The following RALGAPA1 variants were observed in gnomAD, a reference collection of about 807,000 sequenced individuals.
The protein encoded by RALGAPA1 is Ral GTPase activating protein catalytic subunit alpha 1, also known as ral GTPase-activating protein subunit alpha-1.
Under a neutral mutation model 269.6 loss-of-function variants are expected in RALGAPA1, and 52 were observed. That is an observed-to-expected ratio of 0.19 (90% CI 0.15 to 0.24). The LOEUF is 0.24. Among genes scored for constraint, RALGAPA1 ranks in the 10% least tolerant of loss-of-function variants. RALGAPA1 has a pLI of 1.00. For missense variants in RALGAPA1, 1,917 were observed against 3,013.9 expected, an observed-to-expected ratio of 0.64 and a Z score of 8.52; for synonymous variants, 817 against 1,008.3, an observed-to-expected ratio of 0.81 and a Z score of 3.60.
chr14:35,800,379 A>G (rs145563011), intron 1 of RALGAPA1, among the ~76,000 whole-genome samples: 4 of 152,398 alleles, frequency 2.6e-5, no homozygotes, highest in Middle Eastern at 3.4e-3. Context: ...AATTCAGGTT[A>G]TAAAAAATAG....
intron 16 of RALGAPA1, among the ~76,000 whole-genome samples, chr14:35,716,692 T>C (rs2068860441): frequency 6.6e-6 from 1 of 152,208 alleles, no homozygotes. Flanking sequence ...CATTTGGTTA[T>C]TGTCTCTTGA....
At position 35,664,870 on chromosome 14, in the gene RALGAPA1, TAAAAC is replaced by T. The variant is rs1293687219; in HGVS notation, c.5203-108_5203-104del. 4 of 1,001,094 alleles carry T rather than the reference TAAAAC, an allele frequency of 4.0e-6. No homozygotes were observed. In the African/African-American group the frequency reaches 5.0e-5, roughly 12 times the overall value. 62.0% of individuals were successfully genotyped at this position (1,001,094 alleles called of 1,614,324 possible). On this transcript the variant is annotated intron_variant, in intron 26 of 41. Coordinates refer to ENST00000680220, the MANE Select transcript of RALGAPA1 (RefSeq NM_001346249.2). ...CTACATTAGACAGGGAAGTGATACA[TAAAAC>T]AAAATTTAAAAAGGAAAGGGAAAAC...
chr14:35,784,700 T>C (rs1477790264), intron 1 of RALGAPA1, among the ~76,000 whole-genome samples: 1 of 151,702 alleles, frequency 6.6e-6, no homozygotes, highest in Non-Finnish European at 1.5e-5. Context: ...GAAAGGCAAA[T>C]TTTTTTTTCC....
intron 31 of RALGAPA1, among the ~76,000 whole-genome samples, chr14:35,644,041 T>C (rs2062212366): frequency 6.6e-6 from 1 of 152,182 alleles, no homozygotes; most frequent in South Asian, 2.1e-4. Context: ...AACATATAAT[T>C]GGATTATTTT....
intron 39 of RALGAPA1, among the ~76,000 whole-genome samples, chr14:35,568,889 A>G (rs910003759): frequency 2.0e-5 from 3 of 152,236 alleles, no homozygotes; most frequent in African/African-American, 4.8e-5. Context: ...TTTCTTTTCA[A>G]TTGATAAATC....
chr14:35,716,494 A>G (rs1243300368), intron 16 of RALGAPA1, among the ~76,000 whole-genome samples: 2 of 151,756 alleles, frequency 1.3e-5, no homozygotes, highest in African/African-American at 4.8e-5. Context: ...TCATCCTTCT[A>G]TATACCATTA....
At chr14:35,554,080 T>TA (rs949978659) in intron 39 of RALGAPA1, among the ~76,000 whole-genome samples, 4 of 152,182 alleles carry the variant, frequency 2.6e-5, no homozygotes, top group African/African-American at 9.6e-5. Context: ...CCTACTGATT[T>TA]AAAAAAAATT....
chr14:35,746,368 T>C (rs993802660), intron 10 of RALGAPA1, among the ~76,000 whole-genome samples: 3 of 152,254 alleles, frequency 2.0e-5, no homozygotes, highest in Admixed American at 6.5e-5. Context: ...TATTTTACAC[T>C]TGAAATTTGC....
At chr14:35,643,062 C>T (rs1321826711) in intron 31 of RALGAPA1, among the ~76,000 whole-genome samples, 1 of 152,022 alleles carries the variant, frequency 6.6e-6, no homozygotes, top group African/African-American at 2.4e-5. Context: ...AACCATCATT[C>T]TGAGCAAACT....
chr14:35,709,148 T>C (rs2068065687), intron 16 of RALGAPA1, among the ~76,000 whole-genome samples: 1 of 152,104 alleles, frequency 6.6e-6, no homozygotes, highest in South Asian at 2.1e-4. Flanking sequence ...GAATAAGACC[T>C]AGTATTTGCT....
Position 35,680,464 on chromosome 14 carries a change from C to T in RALGAPA1, c.4472-2362G>A, listed in dbSNP as rs149276797. On this transcript the variant is annotated intron_variant, in intron 21 of 41. Coordinates refer to ENST00000680220, the MANE Select transcript of RALGAPA1 (RefSeq NM_001346249.2). ...ACCTCAGGTGATTCAACTGCCTCAG[C>T]CTCCCAAAGTACTGGGATTACAGGC... is the stretch of plus-strand genomic sequence containing the variant. 1.4e-3 allele frequency among the ~76,000 whole-genome samples: 218 copies of T among 152,214 alleles called. 5 individuals carry two copies. In the East Asian group the frequency reaches 0.038, roughly 27 times the overall value.
intron 4 of RALGAPA1, among the ~76,000 whole-genome samples, chr14:35,765,040 G>A (rs1357430339): frequency 1.3e-5 from 2 of 152,102 alleles, no homozygotes; most frequent in Non-Finnish European, 1.5e-5. Context: ...AACAGAATTT[G>A]TTTTTTCACA....
At chr14:35,750,379 AC>A (rs1320142841) in intron 9 of RALGAPA1, 102 bp downstream of exon 9, 2 of 606,354 alleles carry the variant, frequency 3.3e-6, no homozygotes, top group African/African-American at 3.8e-5. Context: ...ATAAAATAGC[AC>A]TATTATTTAA....
chr14:35,622,062 C>T (rs957387639), intron 35 of RALGAPA1, among the ~76,000 whole-genome samples: 5 of 152,136 alleles, frequency 3.3e-5, no homozygotes, highest in South Asian at 2.1e-4. Context: ...GACACATGTA[C>T]ACATATGTTT....
intron 39 of RALGAPA1, among the ~76,000 whole-genome samples, chr14:35,559,162 G>A (rs978496448): frequency 6.6e-6 from 1 of 152,124 alleles, no homozygotes; most frequent in African/African-American, 2.4e-5. Context: ...AGGAATAGCA[G>A]TTAGAAGAAA....
chr14:35,750,434 T>C (rs774379697), intron 9 of RALGAPA1, 48 bp downstream of exon 9: 1 of 1,485,808 alleles, frequency 6.7e-7, no homozygotes, highest in South Asian at 1.2e-5. Context: ...GGACTAAATC[T>C]CAAAAGCCAT....
intron 12 of RALGAPA1, among the ~76,000 whole-genome samples, chr14:35,735,711 AAAAAAT>A (rs1370260122): frequency 6.6e-6 from 1 of 152,218 alleles, no homozygotes; most frequent in African/African-American, 2.4e-5. Context: ...ATGGAATAAT[AAAAAAT>A]AAAAATAAAG....
chr14:35,701,802 T>C (rs1214591554), intron 16 of RALGAPA1, among the ~76,000 whole-genome samples: 4 of 151,940 alleles, frequency 2.6e-5, no homozygotes, highest in Non-Finnish European at 4.4e-5. Flanking sequence ...GTCACCATGC[T>C]TGGCTAATTT....
chr14:35,659,079 C>T, intron 28 of RALGAPA1, 59 bp downstream of exon 28: 1 of 1,298,392 alleles, frequency 7.7e-7, no homozygotes, highest in Non-Finnish European at 1.1e-6. Flanking sequence ...AAAATTCAGT[C>T]AACTTCTAAA....
Sources: allele counts gnomAD v4.1 joint callset (sites outside exome capture counted in the v4.1 genomes callset), GRCh38; gene constraint gnomAD v4.1.1; transcripts MANE v1.5; gene names NCBI Gene and HGNC (gene_info 2026-07-23, HGNC 2026-07-21).